BEAN1: variants seen among roughly 807,000 people sequenced by gnomAD.
BEAN1 encodes the protein protein BEAN1.
A neutral mutation model predicts 17.7 loss-of-function variants in BEAN1; 17 were observed. The observed-to-expected ratio is 0.96, with a 90% CI of 0.66 to 1.44. The LOEUF is 1.44. BEAN1 is among the 40% of genes most tolerant of loss of function. The pLI is 0.00. For missense variants in BEAN1, 359 were observed against 374.1 expected (o/e 0.96, Z 0.33); for synonymous variants, 142 against 151.8 (o/e 0.94, Z 0.47).
intron 1 of BEAN1, among the ~76,000 whole-genome samples, chr16:66,433,320 AG>A (rs1961878607): frequency 6.6e-6 from 1 of 152,276 alleles, no homozygotes; most frequent in East Asian, 1.9e-4. Flanking sequence ...CATGTTGGCC[AG>A]GCTGGTCTCC....
At chr16:66,442,366 C>T (rs1436489234) in intron 2 of BEAN1, among the ~76,000 whole-genome samples, 3 of 152,182 alleles carry the variant, frequency 2.0e-5, no homozygotes, top group East Asian at 1.9e-4. Flanking sequence ...TGGGGCAGCC[C>T]GCCTCCCTCT....
chr16:66,469,628 T>A lies in BEAN1; in HGVS notation c.52T>A (p.Phe18Ile). The A allele has an allele frequency of 6.5e-7, 1 of 1,536,100 alleles. No homozygotes were observed. The highest frequency in any genetic ancestry group is 8.7e-7 in the Non-Finnish European group (1 of 1,146,880). Residue 18 changes from phenylalanine to isoleucine, a missense_variant, in exon 3 of 5, where the codon TTC becomes ATC. Physicochemically the swap from Phe to Ile is conservative, Grantham distance 21. Transcript: ENST00000536005. ...PLARYNRTSY[F>I]YPTFSESSEH... ...AGCACGATACAACCGCACCAGCTAC[T>A]TCTACCCCACATTCTCAGAGAGCTC...
At chr16:66,440,134 T>G (rs1196353193) in intron 2 of BEAN1, among the ~76,000 whole-genome samples, 1 of 144,156 alleles carries the variant, frequency 6.9e-6, no homozygotes, top group East Asian at 2.0e-4. Context: ...TTTTTTTTTT[T>G]TTTTTTTTTT....
rs1362165289 is a variant in BEAN1 at position 66,490,439 on chromosome 16, T to TAAAATAAAAC, written c.148-2514_148-2513insCAAAATAAAA. ...TAAAATAAAATAAAATAAAATAAAA[T>TAAAATAAAAC]AAAATAAAATAAAATAATAAAATAA... On this transcript the variant is annotated intron_variant, in intron 4 of 4. Coordinates refer to the BEAN1 transcript ENST00000561796. Among the ~76,000 whole-genome samples, 11 of 130,410 alleles carry TAAAATAAAAC rather than the reference T, an allele frequency of 8.4e-5. 2 individuals are homozygous for TAAAATAAAAC. Among genetic ancestry groups the TAAAATAAAAC allele is most frequent in the African/African-American group, 3.6e-4 (11 of 30,182 alleles). 85.6% of individuals were successfully genotyped at this position (130,410 alleles called of 152,430 possible).
intron 1 of BEAN1, among the ~76,000 whole-genome samples, chr16:66,431,604 T>G (rs1359647388): frequency 4.3e-5 from 1 of 23,212 alleles, no homozygotes; most frequent in Non-Finnish European, 1.5e-4. Flanking sequence ...TATTCCCTAG[T>G]TTTTTTTTTT....
At chr16:66,490,146 C>T (rs1383453916) in intron 4 of BEAN1, among the ~76,000 whole-genome samples, 2 of 144,198 alleles carry the variant, frequency 1.4e-5, no homozygotes, top group African/African-American at 2.6e-5. Flanking sequence ...TTTGGGAGGC[C>T]AAAGTGGGCA....
intron 2 of BEAN1, among the ~76,000 whole-genome samples, chr16:66,456,167 G>A (rs1387245116): frequency 6.6e-6 from 1 of 152,194 alleles, no homozygotes; most frequent in Non-Finnish European, 1.5e-5. Flanking sequence ...GCAGCCTGTG[G>A]ATGACATGGC....
intron 2 of BEAN1, 76 bp downstream of exon 2, chr16:66,437,777 G>T: frequency 6.8e-7 from 1 of 1,475,858 alleles, no homozygotes; most frequent in South Asian, 1.2e-5. Context: ...TGCAGAGAAC[G>T]GCTTGAGGTG....
Position 66,482,344 on chromosome 16 carries a change from T to C in BEAN1, c.*1419T>C, listed in dbSNP as rs144650204. On this transcript the variant is annotated 3_prime_UTR_variant, in exon 5 of 5. Coordinates refer to ENST00000536005, the MANE Select transcript of BEAN1 (RefSeq NM_001178020.3). Reference sequence around the variant, plus strand: ...TCCTCCAATGAAGGGCTAAGACTATTTAGTAATCTCTTTCTTAAGCAGAGG... The same window carrying C: ...TCCTCCAATGAAGGGCTAAGACTATCTAGTAATCTCTTTCTTAAGCAGAGG... 978 of 157,770 alleles carry C rather than the reference T, an allele frequency of 6.2e-3. 6 individuals carry two copies. The highest frequency in any genetic ancestry group is 0.011 in the Non-Finnish European group (757 of 71,416). The allele number at this position is 157,770 out of a possible 1,614,324, so 9.8% of individuals were successfully genotyped here.
rs992525727 is a variant in BEAN1, at chr16:66,434,563, G to A, written c.-82-3032G>A. 2.6e-5 allele frequency among the ~76,000 whole-genome samples: 4 copies of A among 152,174 alleles called. No individual in the cohort carries two copies. The highest frequency in any genetic ancestry group is 9.7e-5 in the African/African-American group (4 of 41,432). Reference sequence around the variant, plus strand: ...TCCATGTGTTTTCCAAGGGTTTTGTGGGACACCGCGTAGGTGCTTGGGAAA... The same window carrying A: ...TCCATGTGTTTTCCAAGGGTTTTGTAGGACACCGCGTAGGTGCTTGGGAAA... On this transcript the variant is annotated intron_variant, in intron 1 of 4. Coordinates refer to ENST00000536005, the MANE Select transcript of BEAN1 (RefSeq NM_001178020.3). This position sits in a 1 kb window ranked among gnomAD's most constrained non-coding sequence, Gnocchi z 4.3.
chr16:66,435,779 G>A (rs988793800), intron 1 of BEAN1, among the ~76,000 whole-genome samples: 3 of 152,086 alleles, frequency 2.0e-5, no homozygotes, highest in Non-Finnish European at 2.9e-5. Flanking sequence ...GAGCCACCAC[G>A]CCTGGCCAAA....
intron 1 of BEAN1, among the ~76,000 whole-genome samples, chr16:66,435,878 C>T (rs915992337): frequency 4.6e-5 from 7 of 152,210 alleles, no homozygotes; most frequent in Non-Finnish European, 1.0e-4. Context: ...CTAATACCAG[C>T]TCTGCCAATT....
At chr16:66,484,146 C>T (rs1002606522), downstream of BEAN1, 1 of 196,244 alleles carries the variant, frequency 5.1e-6, no homozygotes. This position sits in a 1 kb window ranked among gnomAD's most constrained non-coding sequence, Gnocchi z 4.2. Context: ...TGGACAAAGC[C>T]TGACACTTAT....
Position 66,436,533 on chromosome 16 carries a change from C to T in BEAN1, c.-82-1062C>T, listed in dbSNP as rs191641660. Among the ~76,000 whole-genome samples the T allele has an allele frequency of 1.1e-3, 166 of 151,240 alleles. 2 individuals carry two copies. The highest frequency in any genetic ancestry group is 3.7e-3 in the African/African-American group (152 of 41,208). Reference sequence around the variant, plus strand: ...GACCTTATGATCTGCCCGCCTCGGCCTCCCAAAGTGCTGGGATTACAGGTG... The same window carrying T: ...GACCTTATGATCTGCCCGCCTCGGCTTCCCAAAGTGCTGGGATTACAGGTG... On this transcript the variant is annotated intron_variant, in intron 1 of 4. Transcript: ENST00000536005.
chr16:66,438,758 A>C (rs376342725), intron 2 of BEAN1, among the ~76,000 whole-genome samples: 1 of 150,878 alleles, frequency 6.6e-6, no homozygotes, highest in East Asian at 2.0e-4. Context: ...GGCCCCTTTC[A>C]CTTCTCCCAC....
At chr16:66,472,155 G>A (rs912643627) in intron 3 of BEAN1, among the ~76,000 whole-genome samples, 3 of 152,198 alleles carry the variant, frequency 2.0e-5, no homozygotes, top group Non-Finnish European at 2.9e-5. Context: ...CCTCCTTATG[G>A]GAGCTTGTCT....
chr16:66,437,211 T>C (rs576023692), intron 1 of BEAN1, among the ~76,000 whole-genome samples: 3 of 152,190 alleles, frequency 2.0e-5, no homozygotes, highest in Non-Finnish European at 2.9e-5. Context: ...CAGGTCTCAG[T>C]GTTCCCAGCC....
At chr16:66,487,004 T>C (rs907285973), downstream of BEAN1, among the ~76,000 whole-genome samples, 1 of 152,142 alleles carries the variant, frequency 6.6e-6, no homozygotes, top group Non-Finnish European at 1.5e-5. Context: ...CTCTTTCTCA[T>C]GGTTGCCATA....
intron 2 of BEAN1, among the ~76,000 whole-genome samples, chr16:66,438,663 G>A (rs758421995): frequency 6.6e-6 from 1 of 152,074 alleles, no homozygotes; most frequent in Non-Finnish European, 1.5e-5. Context: ...TCAGCCAGGG[G>A]TACCCCTGAT....
Sources: allele counts gnomAD v4.1 joint callset (sites outside exome capture counted in the v4.1 genomes callset), GRCh38; gene constraint gnomAD v4.1.1; non-coding constraint Gnocchi (gnomAD v3.1); transcripts MANE v1.5; gene names NCBI Gene and HGNC (gene_info 2026-07-23, HGNC 2026-07-21).